Variants in NKAIN4 observed in about 807,000 individuals in gnomAD.
The protein encoded by NKAIN4 is sodium/potassium transporting ATPase interacting 4.
NKAIN4 carries 28 observed loss-of-function variants against 28.8 expected under a neutral mutation model. That is an observed-to-expected ratio of 0.97 (90% CI 0.72 to 1.33). The LOEUF is 1.33. Ranked by LOEUF, NKAIN4 falls within the 40% of genes most tolerant of loss-of-function variation. The pLI, the probability that NKAIN4 is intolerant of heterozygous loss-of-function variation, is 0.00. For synonymous variants in NKAIN4, 122 were observed against 115.6 expected, an observed-to-expected ratio of 1.06 and a Z score of -0.36; for missense variants, 289 against 277.2, an observed-to-expected ratio of 1.04 and a Z score of -0.30.
At chr20:63,246,657 C>T (rs1456127903) in intron 4 of NKAIN4, 2 of 985,324 alleles carry the variant, frequency 2.0e-6, no homozygotes, top group African/African-American at 3.5e-5. Flanking sequence ...CCACCGTGCG[C>T]ACCAGGAAAA....
chr20:63,248,224 C>A (rs1006856788), intron 3 of NKAIN4: 1 of 172,572 alleles, frequency 5.8e-6, no homozygotes. Context: ...AGCAGAGAGC[C>A]CCTGGGGGAG....
At chr20:63,246,949 C>G in intron 4 of NKAIN4, 1 of 987,044 alleles carries the variant, frequency 1.0e-6, no homozygotes, top group Non-Finnish European at 1.2e-6. Context: ...AGCATCGTAG[C>G]CCCTGTTCTC....
chr20:63,254,084 G>A (rs2067009323), intron 1 of NKAIN4: 1 of 389,182 alleles, frequency 2.6e-6, no homozygotes, highest in Non-Finnish European at 4.9e-6. Flanking sequence ...ATGGGGTCCA[G>A]GCGGCCCCGC....
intron 1 of NKAIN4, chr20:63,253,586 G>T: frequency 1.1e-6 from 1 of 887,016 alleles, no homozygotes; most frequent in Non-Finnish European, 1.4e-6. Context: ...GGGCCAATTA[G>T]CATCGAAGCA....
At position 63,247,598 on chromosome 20, in the gene NKAIN4, A is replaced by T. The variant is rs872808; in HGVS notation, c.451T>A (p.Cys151Ser). 47 of 1,546,274 alleles carry T rather than the reference A, an allele frequency of 3.0e-5. No individual in the cohort carries two copies. The highest frequency in any genetic ancestry group is 3.9e-5 in the Non-Finnish European group (45 of 1,144,544). The change falls in exon 4 of 7, where the codon TGC becomes AGC. Residue 151 changes from cysteine (C) to serine (S), a missense_variant. By Grantham distance (112) the Cys-to-Ser change is moderately radical (BLOSUM62 -1). Transcript: ENST00000370316. ...CTCACCGCGATCAGGATCTGCAGGC[A>T]ACTGTGTAGGGCCTCCACATAGCTG... ...EPSYVEALHS[C>S]LQILIALLGF...
intron 4 of NKAIN4, 78 bp from the exon 5 acceptor site, chr20:63,244,162 G>A: frequency 7.7e-7 from 1 of 1,292,240 alleles, no homozygotes; most frequent in African/African-American, 1.5e-5. Flanking sequence ...GTGGGCCGAA[G>A]CACTGGAGCG....
rs202052226 is a variant in NKAIN4 at position 63,243,993 on chromosome 20, G to A, written c.532+31C>T. On this transcript the variant is annotated intron_variant, in intron 5 of 6. Transcript: ENST00000370316. Reference sequence around the variant, plus strand: ...GCTGCCACCTCTGTAGCCGTCTCCCGCCCCACTGCCTGCAGAGGCCCCATA... The same window carrying A: ...GCTGCCACCTCTGTAGCCGTCTCCCACCCCACTGCCTGCAGAGGCCCCATA... 4,239 of 1,590,456 alleles carry A rather than the reference G, an allele frequency of 2.7e-3. 6 individuals carry two copies. The highest frequency in any genetic ancestry group is 3.2e-3 in the Non-Finnish European group (3,771 of 1,161,326).
chr20:63,253,991 G>A, intron 1 of NKAIN4: 1 of 177,712 alleles, frequency 5.6e-6, no homozygotes, highest in South Asian at 9.6e-5. Context: ...GGCGCCCGGG[G>A]CCGGCTGCGG....
chr20:63,246,629 T>G, intron 4 of NKAIN4: 4 of 985,256 alleles, frequency 4.1e-6, no homozygotes, highest in Non-Finnish European at 3.6e-6. Context: ...CAGGTCCACC[T>G]GGTGTGTTGC....
At chr20:63,254,127 C>A in intron 1 of NKAIN4, 1 of 459,468 alleles carries the variant, frequency 2.2e-6, no homozygotes, top group South Asian at 2.3e-5. Flanking sequence ...CCCATCCAGC[C>A]GCTGCCCCGC....
chr20:63,254,709 T>G, upstream of NKAIN4: 24 of 262,496 alleles, frequency 9.1e-5, no homozygotes, highest in Middle Eastern at 1.1e-3. Flanking sequence ...GCGCGGCCTC[T>G]CGGGTAGCGA....
intron 4 of NKAIN4, among the ~76,000 whole-genome samples, chr20:63,246,298 GCT>G (rs149896470): frequency 0.059 from 9,029 of 152,246 alleles, 347 homozygotes; most frequent in Middle Eastern, 0.095. Flanking sequence ...TGGGAAATTG[GCT>G]CTTTCTCCTC....
rs575444339 is a variant in NKAIN4 at position 63,250,568 on chromosome 20, C to A, written c.55-496G>T. Among the ~76,000 whole-genome samples the A allele has an allele frequency of 3.0e-5, 4 of 133,816 alleles. No homozygotes were observed. In the South Asian group the frequency reaches 9.7e-4, roughly 33 times the overall value. 87.8% of individuals were successfully genotyped at this position (133,816 alleles called of 152,430 possible). ...CGCCGAGGCCCCAGCCTGCTGCCTG[C>A]ATCTCGGCCTTGGGGACAGGGCTGG... On this transcript the variant is annotated intron_variant, in intron 1 of 6. Coordinates refer to ENST00000370316, the MANE Select transcript of NKAIN4 (RefSeq NM_152864.4).
At chr20:63,244,162 G>T in intron 4 of NKAIN4, 78 bp from the exon 5 acceptor site, 3 of 1,292,228 alleles carry the variant, frequency 2.3e-6, no homozygotes, top group Non-Finnish European at 1.1e-6. Flanking sequence ...GTGGGCCGAA[G>T]CACTGGAGCG....
Position 63,246,823 on chromosome 20 carries a change from G to A in NKAIN4, c.471+755C>T, listed in dbSNP as rs1332383087. 4.1e-6 allele frequency: 4 copies of A among 985,326 alleles called. No homozygotes were observed. The African/African-American group carries it at 7.0e-5, about 17-fold the overall frequency. 61.0% of individuals were successfully genotyped at this position (985,326 alleles called of 1,614,324 possible). A position where few individuals can be genotyped will look rare whatever the true frequency, so the allele number is the denominator to read the frequency against. On this transcript the variant is annotated intron_variant, in intron 4 of 6. Coordinates refer to ENST00000370316, the MANE Select transcript of NKAIN4 (RefSeq NM_152864.4). ...GCTTTTGCCTCTTTCTGAGCACTTCGAGGAAGGCACTGACACCATCTGCAT... is the reference window on the plus strand; with the variant it reads ...GCTTTTGCCTCTTTCTGAGCACTTCAAGGAAGGCACTGACACCATCTGCAT...
chr20:63,254,227 G>A, intron 1 of NKAIN4, 170 bp downstream of exon 1: 1 of 520,122 alleles, frequency 1.9e-6, no homozygotes, highest in Non-Finnish European at 3.1e-6. Context: ...ACGCCCCGCA[G>A]GCGACGCCAC....
chr20:63,246,394 A>C (rs568153429), intron 4 of NKAIN4, among the ~76,000 whole-genome samples: 1 of 152,200 alleles, frequency 6.6e-6, no homozygotes, highest in South Asian at 2.1e-4. Flanking sequence ...GGTGGGAGAA[A>C]CAGGCCCCGA....
intron 4 of NKAIN4, chr20:63,247,232 A>C: frequency 8.2e-7 from 1 of 1,217,206 alleles, no homozygotes; most frequent in East Asian, 4.9e-5. Context: ...GTTTGTCAGG[A>C]AGATGCATGC....
rs577658908 is a variant in NKAIN4, at chr20:63,247,749, G to C, written c.300C>G (p.Leu100=). 2.0e-5 allele frequency: 29 copies of C among 1,474,824 alleles called. 1 individual carries two copies. The South Asian group carries it at 4.0e-4, about 20-fold the overall frequency. 91.4% of individuals were successfully genotyped at this position (1,474,824 alleles called of 1,614,324 possible). A position where few individuals can be genotyped will look rare whatever the true frequency, so the allele number is the denominator to read the frequency against. Reference sequence around the variant, plus strand: ...CACGCCACCAGGAGCGATGCCGGGAGAGGCTGAAGGTCAGTAGCTCGCTGT... The same window carrying C: ...CACGCCACCAGGAGCGATGCCGGGACAGGCTGAAGGTCAGTAGCTCGCTGT... ...LKDSELLTFS[L]SRHRSWWRER... is the part of the protein sequence containing the mutation. Residue 100 remains leucine, a synonymous_variant, in exon 4 of 7, where the codon CTC becomes CTG. Transcript: ENST00000370316.
Sources: gnomAD v4.1 joint callset for allele counts (sites outside exome capture counted in the v4.1 genomes callset) on GRCh38, gnomAD v4.1.1 for gene constraint, MANE v1.5 for transcripts, NCBI Gene and HGNC (gene_info 2026-07-23, HGNC 2026-07-21) for gene names.